Variants in INO80 observed in about 807,000 individuals in gnomAD.
INO80 encodes INO80 complex ATPase subunit, also known as chromatin-remodeling ATPase INO80.
Under a neutral mutation model 203.4 loss-of-function variants are expected in INO80, and 20 were observed. That is an observed-to-expected ratio of 0.10 (90% CI 0.07 to 0.14). The LOEUF (loss-of-function observed/expected upper bound fraction) is 0.14, where lower values mean the gene tolerates loss of function less well. INO80 is among the 10% of genes least tolerant of loss of function. The pLI, the probability that INO80 is intolerant of heterozygous loss-of-function variation, is 1.00. For synonymous variants in INO80, 726 were observed against 685.2 expected (o/e 1.06, Z -0.93); for missense variants, 1,419 against 1,914.4 (o/e 0.74, Z 4.83).
In INO80 at chr15:40,982,994, C is replaced by T; in HGVS notation, c.4321G>A (p.Ala1441Thr). 6.2e-7 allele frequency: 1 copy of T among 1,614,184 alleles called. No homozygotes were observed. The highest frequency in any genetic ancestry group is 8.5e-7 in the Non-Finnish European group (1 of 1,180,028). Reference sequence around the variant, plus strand: ...CTCCGGCCCTTCCCTGCTCCTTTGGCTGTGCTTCCTGAACCTTTGGGGCGG... The same window carrying T: ...CTCCGGCCCTTCCCTGCTCCTTTGGTTGTGCTTCCTGAACCTTTGGGGCGG... ...RGRPKGSGST[A>T]KGAGKGRSRK... is the part of the protein sequence containing the mutation. Residue 1441 changes from alanine to threonine, a missense_variant, in exon 35 of 36, where the codon GCC (alanine) becomes ACC (threonine). By Grantham distance (58) the Ala-to-Thr change is moderately conservative. Around this residue, in one of 9 missense-constraint regions of INO80, gnomAD observed 214 missense variants for 248.9 expected, o/e 0.86. Transcript: ENST00000648947.
intron 31 of INO80, 152 bp from the exon 32 acceptor site, chr15:40,985,578 AT>A: frequency 1.5e-6 from 1 of 662,244 alleles, no homozygotes; most frequent in Admixed American, 2.5e-5. Flanking sequence ...TCTAACTTGG[AT>A]TCTCAATTTT....
At chr15:41,106,517 C>G (rs1333670112) in intron 1 of INO80, among the ~76,000 whole-genome samples, 1 of 151,774 alleles carries the variant, frequency 6.6e-6, no homozygotes, top group Non-Finnish European at 1.5e-5. Context: ...TAGTCCCAGC[C>G]CCAGCTATTT....
At chr15:41,030,011 T>C (rs1441572773) in intron 24 of INO80, among the ~76,000 whole-genome samples, 1 of 152,210 alleles carries the variant, frequency 6.6e-6, no homozygotes, top group East Asian at 1.9e-4. Context: ...GCAGCAGCAG[T>C]AGCTGACCTG....
chr15:41,077,897 T>C (rs1466730978), intron 9 of INO80, among the ~76,000 whole-genome samples: 4 of 149,868 alleles, frequency 2.7e-5, no homozygotes. Context: ...AGAAAAAGAA[T>C]AACATCTTTT....
chr15:41,057,461 CAAA>C (rs34940669), intron 16 of INO80, among the ~76,000 whole-genome samples: 30 of 117,856 alleles, frequency 2.5e-4, no homozygotes, highest in Non-Finnish European at 2.5e-4. Flanking sequence ...TCCCCTGTCT[CAAA>C]AAAAAAAAAA....
chr15:40,987,265 C>A, intron 30 of INO80, 72 bp from the exon 31 acceptor site: 1 of 924,732 alleles, frequency 1.1e-6, no homozygotes, highest in Non-Finnish European at 1.8e-6. Flanking sequence ...GAAAAAGATA[C>A]ACATCGTTCT....
At chr15:41,065,665 T>G (rs571406857) in intron 14 of INO80, among the ~76,000 whole-genome samples, 1 of 152,196 alleles carries the variant, frequency 6.6e-6, no homozygotes, top group South Asian at 2.1e-4. Context: ...GAACAAAATG[T>G]GATATATATA....
Position 41,096,366 on chromosome 15 carries a change from G to C in INO80, c.-43-13C>G. Reference sequence around the variant, plus strand: ...TCCGACTGCACGGCTGCAGAACAGAGATAAGAAGTGAAAGATGAAATTACT... The same window carrying C: ...TCCGACTGCACGGCTGCAGAACAGACATAAGAAGTGAAAGATGAAATTACT... On this transcript the variant is annotated splice_polypyrimidine_tract_variant and intron_variant, in intron 1 of 35. Transcript: ENST00000648947. 6.8e-7 allele frequency: 1 copy of C among 1,477,636 alleles called. No homozygotes were observed. Among genetic ancestry groups the C allele is most frequent in the Non-Finnish European group, 9.0e-7 (1 of 1,112,986 alleles). 91.5% of individuals were successfully genotyped at this position (1,477,636 alleles called of 1,614,324 possible). A position where few individuals can be genotyped will look rare whatever the true frequency, so the allele number is the denominator to read the frequency against.
intron 14 of INO80, among the ~76,000 whole-genome samples, chr15:41,064,219 A>G (rs1276725400): frequency 6.6e-6 from 1 of 152,232 alleles, no homozygotes; most frequent in African/African-American, 2.4e-5. Context: ...CAAAGGACAT[A>G]TAAACACTGA....
In INO80 at chr15:41,057,817, AAAAG is replaced by A. The variant is rs1159770838; in HGVS notation, c.1985+818_1985+821del. Among the ~76,000 whole-genome samples the A allele has an allele frequency of 7.3e-3, 1,008 of 138,362 alleles. 4 individuals carry two copies. Among genetic ancestry groups the A allele is most frequent in the South Asian group, 0.015 (66 of 4,520 alleles). 90.8% of individuals were successfully genotyped at this position (138,362 alleles called of 152,430 possible). On this transcript the variant is annotated intron_variant, in intron 16 of 35. Coordinates refer to ENST00000648947, the MANE Select transcript of INO80 (RefSeq NM_017553.3). ...CATCTCAAAAAAAAAAAAAAAAAAA[AAAAG>A]AAAGAAAGAAAAGAATAGAAAAAAC...
At chr15:41,053,907 A>G in intron 19 of INO80, 22 bp downstream of exon 19, 2 of 1,587,958 alleles carry the variant, frequency 1.3e-6, no homozygotes, top group Non-Finnish European at 8.6e-7. Flanking sequence ...AGGCTTAAAC[A>G]CATGAGGTCT....
At chr15:41,110,734 T>C (rs1261332699) in intron 1 of INO80, among the ~76,000 whole-genome samples, 1 of 152,180 alleles carries the variant, frequency 6.6e-6, no homozygotes, top group East Asian at 1.9e-4. Flanking sequence ...AAGGTCTTGG[T>C]TTTTTATTTT....
intron 26 of INO80, 37 bp from the exon 27 acceptor site, chr15:41,016,252 T>G (rs1329741665): frequency 6.2e-7 from 1 of 1,600,574 alleles, no homozygotes; most frequent in Non-Finnish European, 8.5e-7. Context: ...GGAACTGTAT[T>G]TAATTGAAGC....
At chr15:41,060,030 G>A (rs1465713540) in intron 14 of INO80, 104 bp from the exon 15 acceptor site, 1 of 765,296 alleles carries the variant, frequency 1.3e-6, no homozygotes. Flanking sequence ...AATAAAATGA[G>A]CATAGGAATT....
Position 41,032,068 on chromosome 15 carries a change from C to G in INO80, c.2908-4332G>C, listed in dbSNP as rs1201230725. 1.8e-3 allele frequency among the ~76,000 whole-genome samples: 141 copies of G among 79,822 alleles called. 3 individuals are homozygous for G. Among genetic ancestry groups the G allele is most frequent in the Middle Eastern group, 6.4e-3 (1 of 156 alleles). 52.4% of individuals were successfully genotyped at this position (79,822 alleles called of 152,430 possible). ...CACAGCACAGCACAGCACAGGACAG[C>G]ACAGGACAGCACAGCACAGCACAGC... On this transcript the variant is annotated intron_variant, in intron 24 of 35. Transcript: ENST00000648947.
intron 1 of INO80, among the ~76,000 whole-genome samples, chr15:41,112,661 G>A (rs1326200360): frequency 2.6e-5 from 4 of 151,420 alleles, no homozygotes; most frequent in East Asian, 2.0e-4. Flanking sequence ...GGTGGCATGC[G>A]CCTGTAGTCC....
intron 1 of INO80, among the ~76,000 whole-genome samples, chr15:41,107,084 C>T (rs1372545115): frequency 1.3e-5 from 2 of 152,246 alleles, no homozygotes; most frequent in African/African-American, 4.8e-5. Flanking sequence ...CAGCACCTTC[C>T]TCCCGTTTAG....
chr15:41,063,430 TA>T (rs2045150316), intron 14 of INO80, among the ~76,000 whole-genome samples: 1 of 152,042 alleles, frequency 6.6e-6, no homozygotes, highest in African/African-American at 2.4e-5. Context: ...TAAAACTCAA[TA>T]TATCAGCATT....
At chr15:41,007,939 C>G (rs553507236) in intron 27 of INO80, among the ~76,000 whole-genome samples, 2 of 152,054 alleles carry the variant, frequency 1.3e-5, no homozygotes, top group African/African-American at 4.8e-5. Flanking sequence ...TGTGGAAGGT[C>G]GAGGTGGGTG....
Sources: allele counts gnomAD v4.1 joint callset (sites outside exome capture counted in the v4.1 genomes callset), GRCh38; gene constraint gnomAD v4.1.1; regional missense constraint gnomAD v4.1.1; transcripts MANE v1.5; gene names NCBI Gene and HGNC (gene_info 2026-07-23, HGNC 2026-07-21).